The following MAF variants were observed in gnomAD, a reference collection of about 807,000 sequenced individuals.
MAF encodes the protein transcription factor Maf.
Under a neutral mutation model 22.0 loss-of-function variants are expected in MAF, and 10 were observed. The ratio of observed to expected loss-of-function variants is 0.45; its 90% CI spans 0.28 to 0.77. MAF has a LOEUF of 0.77. Among genes scored for constraint, MAF ranks in the 30% least tolerant of loss-of-function variants. MAF has a pLI of 0.12. For missense variants in MAF, 544 were observed against 548.4 expected (o/e 0.99, Z 0.08); for synonymous variants, 337 against 255.8 (o/e 1.32, Z -3.03).
chr16:79,479,775 T>C, the MAF span, among the ~76,000 whole-genome samples: 3 of 152,238 alleles, frequency 2.0e-5, no homozygotes, highest in African/African-American at 7.2e-5. Flanking sequence ...TCTATATCCA[T>C]GCTTTAATTC....
chr16:79,239,303 G>A, the MAF span, among the ~76,000 whole-genome samples: 1 of 152,056 alleles, frequency 6.6e-6, no homozygotes, highest in Non-Finnish European at 1.5e-5. Context: ...TAGTGTCACT[G>A]ACCATCCTGG....
chr16:79,300,775 T>C, the MAF span, among the ~76,000 whole-genome samples: 3 of 152,080 alleles, frequency 2.0e-5, no homozygotes, highest in Admixed American at 1.3e-4. Context: ...TGTGTGTATA[T>C]AGCAGATAAG....
the MAF span, among the ~76,000 whole-genome samples, chr16:79,354,432 A>C: frequency 6.6e-6 from 1 of 152,204 alleles, no homozygotes; most frequent in African/African-American, 2.4e-5. Flanking sequence ...TGACAGGCAC[A>C]CAGGCCACAT....
chr16:79,526,467 C>T, the MAF span, among the ~76,000 whole-genome samples: 1 of 152,158 alleles, frequency 6.6e-6, no homozygotes, highest in Non-Finnish European at 1.5e-5. Context: ...TTACTTCCTG[C>T]TGTGCAGCCC....
At chr16:79,397,308 A>G in the MAF span, among the ~76,000 whole-genome samples, 19 of 152,284 alleles carry the variant, frequency 1.2e-4, 1 homozygote, top group Middle Eastern at 3.4e-3. Context: ...CAATGTGTGG[A>G]GAGTTAAATG....
chr16:79,411,634 G>C, the MAF span, among the ~76,000 whole-genome samples: 1 of 152,194 alleles, frequency 6.6e-6, no homozygotes. Flanking sequence ...GTCATTACAA[G>C]ATTTAGCTGT....
the MAF span, among the ~76,000 whole-genome samples, chr16:79,302,857 A>C: frequency 6.6e-6 from 1 of 152,250 alleles, no homozygotes; most frequent in Admixed American, 6.5e-5. Flanking sequence ...TGAGAAATGC[A>C]AAATAGTCAA....
the MAF span, among the ~76,000 whole-genome samples, chr16:79,231,301 T>C: frequency 2.0e-5 from 3 of 152,074 alleles, no homozygotes. Flanking sequence ...ACAATTTTGG[T>C]ATTCTGACCT....
chr16:79,267,456 T>A, the MAF span, among the ~76,000 whole-genome samples: 2 of 152,114 alleles, frequency 1.3e-5, no homozygotes, highest in Non-Finnish European at 2.9e-5. Context: ...GAGGAGTGAA[T>A]GGGCCAGTGA....
the MAF span, among the ~76,000 whole-genome samples, chr16:79,240,968 A>G: frequency 1.3e-5 from 2 of 152,154 alleles, no homozygotes; most frequent in East Asian, 1.9e-4. Flanking sequence ...TAGAAGAAAA[A>G]CTAACAAACA....
chr16:79,596,359 C>T, intron 1 of MAF: 1 of 1,059,208 alleles, frequency 9.4e-7, no homozygotes, highest in South Asian at 4.6e-5. Flanking sequence ...TAATTTCACC[C>T]TGAATTACTG....
chr16:79,439,127 G>A, the MAF span, among the ~76,000 whole-genome samples: 1,760 of 152,188 alleles, frequency 0.012, 34 homozygotes, highest in African/African-American at 0.04. Flanking sequence ...GCACTTCGCA[G>A]CACTGCCTTG....
At chr16:79,246,527 G>T in the MAF span, among the ~76,000 whole-genome samples, 1 of 114,278 alleles carries the variant, frequency 8.8e-6, no homozygotes, top group East Asian at 2.2e-4. Flanking sequence ...GTTTGGTTTA[G>T]GCAGGTTTTT....
At chr16:79,409,541 G>A in the MAF span, among the ~76,000 whole-genome samples, 1 of 152,206 alleles carries the variant, frequency 6.6e-6, no homozygotes, top group East Asian at 1.9e-4. Context: ...CATAACAACT[G>A]CTGGGCTCTC....
At chr16:79,307,689 A>T in the MAF span, among the ~76,000 whole-genome samples, 1 of 152,224 alleles carries the variant, frequency 6.6e-6, no homozygotes. Flanking sequence ...CAAGATAACT[A>T]GTTAGACTAA....
At chr16:79,578,569 G>T in the MAF span, among the ~76,000 whole-genome samples, 1 of 151,804 alleles carries the variant, frequency 6.6e-6, no homozygotes, top group Non-Finnish European at 1.5e-5. Flanking sequence ...AACAGACATG[G>T]AAATATAAAA....
chr16:79,442,223 G>A, the MAF span, among the ~76,000 whole-genome samples: 1 of 152,202 alleles, frequency 6.6e-6, no homozygotes, highest in Non-Finnish European at 1.5e-5. Context: ...GATGAAAGGT[G>A]TTTTGCTGAG....
chr16:79,386,228 A>T, the MAF span, among the ~76,000 whole-genome samples: 3 of 152,310 alleles, frequency 2.0e-5, no homozygotes, highest in African/African-American at 7.2e-5. Flanking sequence ...ATACTGGAAT[A>T]TATAATAAAA....
the MAF span, among the ~76,000 whole-genome samples, chr16:79,208,791 C>T: frequency 6.6e-6 from 1 of 152,304 alleles, no homozygotes; most frequent in African/African-American, 2.4e-5. Flanking sequence ...ACTGTCATCA[C>T]ATCTGATCAT....
Sources: allele counts gnomAD v4.1 joint callset (sites outside exome capture counted in the v4.1 genomes callset), GRCh38; gene constraint gnomAD v4.1.1; transcripts MANE v1.5; gene names NCBI Gene and HGNC (gene_info 2026-07-23, HGNC 2026-07-21).